Variants in COL14A1 observed in about 807,000 individuals in gnomAD.
COL14A1 encodes the protein collagen type XIV alpha 1 chain.
In COL14A1, 136 loss-of-function variants were observed where a neutral mutation model predicts 230.3. The ratio of observed to expected loss-of-function variants is 0.59; its 90% CI spans 0.51 to 0.68. The LOEUF (loss-of-function observed/expected upper bound fraction) is 0.68, where lower values mean the gene tolerates loss of function less well. Ranked by LOEUF, COL14A1 falls within the 30% of genes least tolerant of loss-of-function variation. The pLI is 0.00. For missense variants in COL14A1, 1,976 were observed against 2,215.8 expected (o/e 0.89, Z 2.17); for synonymous variants, 792 against 784.1 (o/e 1.01, Z -0.17).
At chr8:120,305,777 T>C (rs1267908399) in intron 36 of COL14A1, among the ~76,000 whole-genome samples, 1 of 152,188 alleles carries the variant, frequency 6.6e-6, no homozygotes, top group Non-Finnish European at 1.5e-5. Context: ...TTTTTGCTTT[T>C]TTTGTATTCC....
rs906738152 is a variant in COL14A1, at chr8:120,248,346, G to A, written c.2602+611G>A. ...AAAATGATACAAGTAGAAAGCGATC[G>A]TACCCTTGGTCTGTATGCCTGTGAA... On this transcript the variant is annotated intron_variant, in intron 21 of 47. Transcript: ENST00000297848. Among the ~76,000 whole-genome samples the A allele has an allele frequency of 2.6e-5, 4 of 151,966 alleles. No homozygotes were observed. In the South Asian group the frequency reaches 8.3e-4, roughly 32 times the overall value.
At chr8:120,346,514 A>G (rs1240156118) in intron 45 of COL14A1, among the ~76,000 whole-genome samples, 3 of 152,318 alleles carry the variant, frequency 2.0e-5, no homozygotes, top group Non-Finnish European at 1.5e-5. Flanking sequence ...TTCCTTTTAT[A>G]AAATTTGATT....
At chr8:120,248,088 C>G (rs1331551119) in intron 21 of COL14A1, among the ~76,000 whole-genome samples, 1 of 152,050 alleles carries the variant, frequency 6.6e-6, no homozygotes, top group African/African-American at 2.4e-5. Context: ...GACATAAATT[C>G]TAAACATTTG....
rs548537865 is a variant in COL14A1, at chr8:120,373,016, A to G, written c.*1785A>G. On this transcript the variant is annotated 3_prime_UTR_variant, in exon 48 of 48. Transcript: ENST00000297848. ...AAGATGGCCTGACCCAGAGTCACCT[A>G]AGAGAACTCTTCCAACTTAAATGAC... Among the ~76,000 whole-genome samples, 8 of 152,292 alleles carry G rather than the reference A, an allele frequency of 5.3e-5. No homozygotes were observed. In the South Asian group the frequency reaches 1.5e-3, roughly 28 times the overall value.
intron 8 of COL14A1, among the ~76,000 whole-genome samples, chr8:120,200,731 ATATAT>A (rs1308362718): frequency 3.0e-5 from 1 of 33,722 alleles, no homozygotes; most frequent in Non-Finnish European, 6.1e-5. Flanking sequence ...ATATATATAT[ATATAT>A]ATATATATAT....
At chr8:120,220,633 A>G (rs993321942) in intron 14 of COL14A1, among the ~76,000 whole-genome samples, 1 of 151,930 alleles carries the variant, frequency 6.6e-6, no homozygotes, top group Non-Finnish European at 1.5e-5. Flanking sequence ...GCTTCCTCTC[A>G]TCTTCCTTCT....
At chr8:120,244,272 T>G (rs969082046) in intron 20 of COL14A1, among the ~76,000 whole-genome samples, 3 of 152,222 alleles carry the variant, frequency 2.0e-5, no homozygotes, top group African/African-American at 7.2e-5. Context: ...AGAGTTTAAT[T>G]CGTCAAGGTC....
At chr8:120,199,694 T>C (rs1245241307) in intron 8 of COL14A1, 128 bp downstream of exon 8, 2 of 889,884 alleles carry the variant, frequency 2.2e-6, no homozygotes, top group East Asian at 2.9e-5. Context: ...TTGGCACTTG[T>C]CATAGGCAGC....
At chr8:120,181,063 G>A (rs76783359) in intron 5 of COL14A1, among the ~76,000 whole-genome samples, 1 of 152,086 alleles carries the variant, frequency 6.6e-6, no homozygotes, top group Non-Finnish European at 1.5e-5. Context: ...AGTTTTGATT[G>A]GTCCAGCTCT....
intron 26 of COL14A1, 30 bp downstream of exon 26, chr8:120,270,204 A>G (rs1361937901): frequency 5.0e-6 from 8 of 1,589,140 alleles, no homozygotes; most frequent in Non-Finnish European, 6.9e-6. Context: ...AATTCATTCT[A>G]TGTATTTAGA....
chr8:120,252,519 T>C (rs1051292106), intron 22 of COL14A1, among the ~76,000 whole-genome samples: 1 of 152,206 alleles, frequency 6.6e-6, no homozygotes, highest in African/African-American at 2.4e-5. Flanking sequence ...CTTGAGATCA[T>C]AGTCATGGTA....
intron 6 of COL14A1, 106 bp from the exon 7 acceptor site, chr8:120,197,705 A>G: frequency 8.0e-7 from 1 of 1,248,294 alleles, no homozygotes; most frequent in Non-Finnish European, 1.1e-6. Flanking sequence ...CAAAATAAAA[A>G]ATTTTTGCAA....
intron 4 of COL14A1, among the ~76,000 whole-genome samples, chr8:120,165,849 T>C (rs891525539): frequency 5.9e-5 from 9 of 152,266 alleles, no homozygotes; most frequent in Non-Finnish European, 8.8e-5. Flanking sequence ...GCCACACCCA[T>C]GGAGGTCAGG....
At chr8:120,157,715 G>A (rs1443307989) in intron 2 of COL14A1, among the ~76,000 whole-genome samples, 3 of 152,268 alleles carry the variant, frequency 2.0e-5, no homozygotes, top group African/African-American at 7.2e-5. Flanking sequence ...GCCAGGCGTG[G>A]TGGCTTATGC....
chr8:120,347,303 T>C (rs1822553329), intron 45 of COL14A1, among the ~76,000 whole-genome samples: 1 of 152,144 alleles, frequency 6.6e-6, no homozygotes, highest in Non-Finnish European at 1.5e-5. Context: ...TACATACATA[T>C]TGATATATAT....
At chr8:120,129,579 G>C (rs1321816029) in intron 1 of COL14A1, among the ~76,000 whole-genome samples, 1 of 152,154 alleles carries the variant, frequency 6.6e-6, no homozygotes, top group Non-Finnish European at 1.5e-5. Context: ...CAAATTCCTT[G>C]CGTTTGAGTG....
intron 42 of COL14A1, among the ~76,000 whole-genome samples, chr8:120,337,401 T>TAAAAAAAAAAAAA (rs60418574): frequency 8.5e-5 from 11 of 129,438 alleles, no homozygotes; most frequent in East Asian, 2.2e-4. Context: ...GTCTCAAAAT[T>TAAAAAAAAAAAAA]AAAAAAAAAA....
At chr8:120,166,918 GT>G (rs1374541896) in intron 4 of COL14A1, among the ~76,000 whole-genome samples, 123 of 146,112 alleles carry the variant, frequency 8.4e-4, no homozygotes, top group African/African-American at 3.2e-3. Flanking sequence ...GTGTGTGTGT[GT>G]GTGGTGGTGA....
chr8:120,277,504 C>T (rs938502093), intron 26 of COL14A1: 2 of 152,052 alleles, frequency 1.3e-5, no homozygotes, highest in Non-Finnish European at 2.9e-5. Context: ...CAGTAACAAA[C>T]ATGGAATGCC....
Sources: gnomAD v4.1 joint callset for allele counts (sites outside exome capture counted in the v4.1 genomes callset) on GRCh38, gnomAD v4.1.1 for gene constraint, MANE v1.5 for transcripts, NCBI Gene and HGNC (gene_info 2026-07-23, HGNC 2026-07-21) for gene names.